PTPRD: variants seen among roughly 807,000 people sequenced by gnomAD.
PTPRD encodes receptor-type tyrosine-protein phosphatase delta.
Under a neutral mutation model 214.5 loss-of-function variants are expected in PTPRD, and 34 were observed. The ratio of observed to expected loss-of-function variants is 0.16; its 90% CI spans 0.12 to 0.21. PTPRD has a LOEUF of 0.21. Ranked by LOEUF, PTPRD falls within the 10% of genes least tolerant of loss-of-function variation. The pLI is 1.00. For synonymous variants in PTPRD, 1,128 were observed against 845.7 expected, an observed-to-expected ratio of 1.33 and a Z score of -5.79; for missense variants, 2,545 against 2,398.7, an observed-to-expected ratio of 1.06 and a Z score of -1.27.
intron 2 of PTPRD, among the ~76,000 whole-genome samples, chr9:10,559,137 G>T (rs2063283362): frequency 6.6e-6 from 1 of 152,062 alleles, no homozygotes; most frequent in Admixed American, 6.6e-5. Context: ...GACCTTAAAT[G>T]CTTCCACTGA....
chr9:9,420,285 C>T (rs926624302), intron 8 of PTPRD, among the ~76,000 whole-genome samples: 1 of 151,742 alleles, frequency 6.6e-6, no homozygotes, highest in African/African-American at 2.4e-5. Context: ...ACAAGATTAG[C>T]TTTATCTAAT....
At chr9:9,685,368 A>G (rs1361798259) in intron 7 of PTPRD, among the ~76,000 whole-genome samples, 3 of 151,324 alleles carry the variant, frequency 2.0e-5, no homozygotes, top group African/African-American at 7.3e-5. Context: ...TATTAAAAAC[A>G]AGAGTAGGCT....
At chr9:10,528,616 T>C (rs1218936925) in intron 2 of PTPRD, among the ~76,000 whole-genome samples, 1 of 152,204 alleles carries the variant, frequency 6.6e-6, no homozygotes, top group Non-Finnish European at 1.5e-5. Context: ...ATTGATGCTG[T>C]ATAAATAGAT....
chr9:8,345,547 G>C (rs1230905273), intron 39 of PTPRD, among the ~76,000 whole-genome samples: 1 of 152,058 alleles, frequency 6.6e-6, no homozygotes, highest in African/African-American at 2.4e-5. Context: ...AGTCAAGGGA[G>C]TATGGGAAAC....
At chr9:9,818,272 A>G (rs532211008) in intron 5 of PTPRD, among the ~76,000 whole-genome samples, 1 of 152,300 alleles carries the variant, frequency 6.6e-6, no homozygotes, top group East Asian at 1.9e-4. Context: ...TCCCCTAGAC[A>G]ATATTACATA....
At position 10,525,727 on chromosome 9, in the gene PTPRD, A is replaced by AGTGTGTGTGTGTGTGTGTGTGT. The variant is rs398010299; in HGVS notation, c.-600+86649_-600+86670dup. 2.7e-3 allele frequency among the ~76,000 whole-genome samples: 402 copies of AGTGTGTGTGTGTGTGTGTGTGT among 147,044 alleles called. 3 individuals carry two copies. The highest frequency in any genetic ancestry group is 6.9e-3 in the Middle Eastern group (2 of 288). On this transcript the variant is annotated intron_variant, in intron 2 of 45. Coordinates refer to ENST00000381196, the MANE Select transcript of PTPRD (RefSeq NM_002839.4). ...GGGAAGGATCCACAAAGATTTTCAA[A>AGTGTGTGTGTGTGTGTGTGTGT]GTGTGTGTGTGTGTGTGTGTGTGTG...
intron 9 of PTPRD, among the ~76,000 whole-genome samples, chr9:9,371,255 G>T (rs1273790787): frequency 5.3e-5 from 8 of 151,966 alleles, no homozygotes; most frequent in African/African-American, 1.4e-4. Flanking sequence ...ACTTTTTTTG[G>T]TTGGTAAGGT....
intron 3 of PTPRD, among the ~76,000 whole-genome samples, chr9:10,213,354 G>A (rs1328877129): frequency 6.6e-6 from 1 of 152,066 alleles, no homozygotes; most frequent in African/African-American, 2.4e-5. Flanking sequence ...TTTCAGAGAG[G>A]AAGCAAACTT....
At chr9:9,586,611 T>C (rs1425707042) in intron 7 of PTPRD, among the ~76,000 whole-genome samples, 1 of 151,990 alleles carries the variant, frequency 6.6e-6, no homozygotes, top group African/African-American at 2.4e-5. Flanking sequence ...GTTGAATAAA[T>C]TAAATACCAT....
intron 5 of PTPRD, among the ~76,000 whole-genome samples, chr9:9,876,187 G>C (rs947866606): frequency 2.0e-5 from 3 of 152,074 alleles, no homozygotes; most frequent in East Asian, 3.9e-4. Context: ...GGAAGGGATA[G>C]AGTTAGATTT....
chr9:10,004,384 T>A (rs921138854), intron 4 of PTPRD, among the ~76,000 whole-genome samples: 9 of 152,096 alleles, frequency 5.9e-5, no homozygotes, highest in Admixed American at 5.2e-4. Flanking sequence ...AGCAAATTAA[T>A]ACATTTTATA....
At chr9:10,391,926 C>T (rs1355400736) in intron 2 of PTPRD, among the ~76,000 whole-genome samples, 2 of 151,752 alleles carry the variant, frequency 1.3e-5, no homozygotes, top group African/African-American at 2.4e-5. Flanking sequence ...TTCTCCAGGT[C>T]ATCACAAGTT....
chr9:10,342,591 G>T (rs557332390), intron 2 of PTPRD, among the ~76,000 whole-genome samples: 1 of 152,034 alleles, frequency 6.6e-6, no homozygotes, highest in African/African-American at 2.4e-5. Flanking sequence ...AAGAGTCAAA[G>T]TATTGTCCTC....
At chr9:9,584,851 A>C (rs565066699) in intron 7 of PTPRD, among the ~76,000 whole-genome samples, 33 of 152,070 alleles carry the variant, frequency 2.2e-4, no homozygotes, top group African/African-American at 7.5e-4. Context: ...CTGAGTCTTC[A>C]AGCTTTATTT....
intron 2 of PTPRD, among the ~76,000 whole-genome samples, chr9:10,507,574 C>G (rs1172268710): frequency 6.6e-6 from 1 of 152,128 alleles, no homozygotes; most frequent in Non-Finnish European, 1.5e-5. Flanking sequence ...GTAACCAAAA[C>G]AGCATGCCAC....
At chr9:9,313,708 C>T (rs528472628) in intron 9 of PTPRD, among the ~76,000 whole-genome samples, 145 of 152,158 alleles carry the variant, frequency 9.5e-4, no homozygotes, top group African/African-American at 2.9e-3. Flanking sequence ...ATTATATCTC[C>T]GAAAGGGCTT....
intron 2 of PTPRD, among the ~76,000 whole-genome samples, chr9:10,390,888 A>T (rs1463181868): frequency 6.6e-6 from 1 of 151,804 alleles, no homozygotes; most frequent in Non-Finnish European, 1.5e-5. Flanking sequence ...ATAGACACAT[A>T]AATTTCCCAA....
intron 10 of PTPRD, among the ~76,000 whole-genome samples, chr9:9,103,016 T>C (rs1164239503): frequency 2.0e-5 from 3 of 152,232 alleles, no homozygotes; most frequent in Non-Finnish European, 4.4e-5. Flanking sequence ...TGCATTGTCC[T>C]GGCTCTTATT....
chr9:10,158,260 GC>G (rs1252534034), intron 3 of PTPRD, among the ~76,000 whole-genome samples: 1 of 152,072 alleles, frequency 6.6e-6, no homozygotes, highest in Non-Finnish European at 1.5e-5. Context: ...GCCCACTTCG[GC>G]CCCCTGAAGT....
Sources: gnomAD v4.1 joint callset for allele counts (sites outside exome capture counted in the v4.1 genomes callset) on GRCh38, gnomAD v4.1.1 for gene constraint, MANE v1.5 for transcripts, NCBI Gene and HGNC (gene_info 2026-07-23, HGNC 2026-07-21) for gene names.